Variants in SH3D19 observed in about 807,000 individuals in gnomAD.
The protein encoded by SH3D19 is SH3 domain-containing protein 19.
A neutral mutation model predicts 112.1 loss-of-function variants in SH3D19; 58 were observed. The observed-to-expected ratio is 0.52, with a 90% CI of 0.42 to 0.64. SH3D19 has a LOEUF of 0.64. SH3D19 is among the 30% of genes least tolerant of loss of function. SH3D19 has a pLI of 0.00. For synonymous variants in SH3D19, 391 were observed against 448.5 expected (o/e 0.87, Z 1.62); for missense variants, 1,090 against 1,263.4 (o/e 0.86, Z 2.08).
At position 151,181,985 on chromosome 4, in the gene SH3D19, GT is replaced by G. The variant is rs879589272; in HGVS notation, c.194-2589del. ...ACCAGTTGAAAAACCCGCTTGTAGG[GT>G]TTTTTTTTTTTTATTTTTTTGAGAC... On this transcript the variant is annotated intron_variant, in intron 3 of 19. Coordinates refer to ENST00000604030, the MANE Select transcript of SH3D19 (RefSeq NM_001378122.1). Among the ~76,000 whole-genome samples the G allele has an allele frequency of 5.7e-3, 828 of 145,098 alleles. 2 individuals carry two copies. Among genetic ancestry groups the G allele is most frequent in the African/African-American group, 8.4e-3 (336 of 39,866 alleles).
rs541665981 is a variant in SH3D19 at position 151,234,735 on chromosome 4, GTTTTTTTTTTTTT to G, written c.113-8662_113-8650del. Among the ~76,000 whole-genome samples the G allele has an allele frequency of 2.0e-4, 5 of 25,078 alleles. No individual in the cohort carries two copies. The East Asian group carries it at 3.6e-3, about 18-fold the overall frequency. The allele number at this position is 25,078 out of a possible 152,430, so 16.5% of individuals were successfully genotyped here. A position where few individuals can be genotyped will look rare whatever the true frequency, so the allele number is the denominator to read the frequency against. ...GTTTTTGTTTTCTTTCCAAGTTTGTGTTTTTTTTTTTTTTTTTTTTTTTTTTTTTTTAGACAGG... is the reference window on the plus strand; with the variant it reads ...GTTTTTGTTTTCTTTCCAAGTTTGTGTTTTTTTTTTTTTTTTTTAGACAGG... On this transcript the variant is annotated intron_variant, in intron 1 of 19. Transcript: ENST00000604030.
chr4:151,174,508 T>A (rs1274103575), intron 7 of SH3D19, among the ~76,000 whole-genome samples, 162 bp downstream of exon 7: 1 of 152,232 alleles, frequency 6.6e-6, no homozygotes, highest in Non-Finnish European at 1.5e-5. Flanking sequence ...TGTTTCTTGA[T>A]CTGTCTGTTC....
At chr4:151,148,284 C>T (rs1411033879) in intron 10 of SH3D19, 98 bp from the exon 11 acceptor site, 3 of 824,044 alleles carry the variant, frequency 3.6e-6, no homozygotes, top group African/African-American at 3.3e-5. Context: ...CACACACACA[C>T]ACACAGAGAC....
chr4:151,153,107 T>G (rs1374953776), intron 9 of SH3D19, among the ~76,000 whole-genome samples: 1 of 151,958 alleles, frequency 6.6e-6, no homozygotes, highest in African/African-American at 2.4e-5. Context: ...GTACTGGGAT[T>G]ACAGGCATGA....
intron 4 of SH3D19, among the ~76,000 whole-genome samples, chr4:151,178,968 C>G (rs551607283): frequency 6.6e-6 from 1 of 152,244 alleles, no homozygotes; most frequent in African/African-American, 2.4e-5. Flanking sequence ...TGCCTACCTC[C>G]TCTTTTCCTT....
chr4:151,198,444 TAAAA>T (rs11337469), intron 2 of SH3D19, among the ~76,000 whole-genome samples: 2 of 143,138 alleles, frequency 1.4e-5, no homozygotes, highest in Non-Finnish European at 3.0e-5. Context: ...AAAATATATA[TAAAA>T]ATATATATTT....
At chr4:151,274,252 G>A (rs771013746) in intron 1 of SH3D19, among the ~76,000 whole-genome samples, 21 of 152,216 alleles carry the variant, frequency 1.4e-4, no homozygotes, top group South Asian at 2.1e-4. Context: ...TTTTTTTCAC[G>A]TGTTCACTTC....
intron 3 of SH3D19, among the ~76,000 whole-genome samples, chr4:151,180,244 T>C (rs906964248): frequency 6.6e-6 from 1 of 152,158 alleles, no homozygotes; most frequent in African/African-American, 2.4e-5. Flanking sequence ...TATAAACTTG[T>C]TTATAGCACA....
At chr4:151,168,378 C>T (rs1351221291) in intron 7 of SH3D19, among the ~76,000 whole-genome samples, 5 of 149,758 alleles carry the variant, frequency 3.3e-5, no homozygotes, top group Non-Finnish European at 7.4e-5. Flanking sequence ...TTCACGGTGT[C>T]TTATCTTTCG....
intron 2 of SH3D19, among the ~76,000 whole-genome samples, chr4:151,211,577 TA>T (rs36073560): frequency 7.8e-4 from 111 of 141,704 alleles, no homozygotes; most frequent in South Asian, 1.1e-3. Flanking sequence ...ATCTGTTAAT[TA>T]AAAAAAAAAA....
chr4:151,194,016 ATTTTTT>A (rs201719037), intron 2 of SH3D19, among the ~76,000 whole-genome samples: 7 of 111,902 alleles, frequency 6.3e-5, no homozygotes, highest in African/African-American at 3.1e-4. Context: ...AGTAGGATTA[ATTTTTT>A]TTTTTTTTTT....
intron 18 of SH3D19, 147 bp from the exon 19 acceptor site, chr4:151,127,862 T>C: frequency 2.1e-6 from 1 of 480,374 alleles, no homozygotes; most frequent in Non-Finnish European, 3.6e-6. Flanking sequence ...AAAACATTTT[T>C]AAAAACATGT....
intron 2 of SH3D19, among the ~76,000 whole-genome samples, chr4:151,188,094 A>T (rs1762069915): frequency 6.6e-6 from 1 of 152,090 alleles, no homozygotes; most frequent in South Asian, 2.1e-4. Flanking sequence ...GACCCTCTCC[A>T]GATACCAGCC....
chr4:151,143,709 C>T (rs1218800233), intron 12 of SH3D19, among the ~76,000 whole-genome samples: 2 of 151,846 alleles, frequency 1.3e-5, no homozygotes, highest in African/African-American at 4.8e-5. Flanking sequence ...AGGGTAGTCA[C>T]TCTGTATCGA....
At chr4:151,253,883 C>G (rs769775112) in intron 1 of SH3D19, among the ~76,000 whole-genome samples, 1 of 152,102 alleles carries the variant, frequency 6.6e-6, no homozygotes. Flanking sequence ...GAAAACGGTC[C>G]CTGGCGTGGG....
At chr4:151,238,583 A>G (rs1561391949) in intron 1 of SH3D19, among the ~76,000 whole-genome samples, 1 of 152,078 alleles carries the variant, frequency 6.6e-6, no homozygotes, top group East Asian at 1.9e-4. Flanking sequence ...CTGTAACCAA[A>G]AGACTCCTTC....
At chr4:151,178,232 C>T in intron 4 of SH3D19, among the ~76,000 whole-genome samples, 1 of 152,192 alleles carries the variant, frequency 6.6e-6, no homozygotes, top group East Asian at 1.9e-4. Flanking sequence ...ACCTGATTTC[C>T]TAACAAACAG....
At chr4:151,286,193 A>AC (rs1302042889) in intron 1 of SH3D19, among the ~76,000 whole-genome samples, 1 of 149,764 alleles carries the variant, frequency 6.7e-6, no homozygotes. Context: ...AGAAAAAAAA[A>AC]AAAAAAAAAA....
At chr4:151,310,636 A>G (rs1399040970) in intron 1 of SH3D19, among the ~76,000 whole-genome samples, 1 of 148,294 alleles carries the variant, frequency 6.7e-6, no homozygotes, top group Non-Finnish European at 1.5e-5. Flanking sequence ...CAGTGGTAGG[A>G]TCTCGGCTCA....
Sources: gnomAD v4.1 joint callset for allele counts (sites outside exome capture counted in the v4.1 genomes callset) on GRCh38, gnomAD v4.1.1 for gene constraint, MANE v1.5 for transcripts, NCBI Gene and HGNC (gene_info 2026-07-23, HGNC 2026-07-21) for gene names.